The following LIMA1 variants were observed in gnomAD, a reference collection of about 807,000 sequenced individuals.
The protein encoded by LIMA1 is LIM domain and actin binding 1, also known as LIM domain and actin-binding protein 1.
Under a neutral mutation model 62.6 loss-of-function variants are expected in LIMA1, and 52 were observed. The ratio of observed to expected loss-of-function variants is 0.83; its 90% CI spans 0.67 to 1.05. The LOEUF (loss-of-function observed/expected upper bound fraction) is 1.05, where lower values mean the gene tolerates loss of function less well. Among genes scored for constraint, LIMA1 ranks in the 50% least tolerant of loss-of-function variants. The pLI, the probability that LIMA1 is intolerant of heterozygous loss-of-function variation, is 0.00. For missense variants in LIMA1, 780 were observed against 902.2 expected (o/e 0.86, Z 1.74); for synonymous variants, 302 against 317.8 (o/e 0.95, Z 0.53).
chr12:50,205,826 G>A (rs1054688628), intron 5 of LIMA1, among the ~76,000 whole-genome samples, 158 bp downstream of exon 5: 1 of 148,026 alleles, frequency 6.8e-6, no homozygotes. Context: ...GCTATTTATC[G>A]AGAGCAATGA....
At chr12:50,211,338 A>G (rs993041186) in intron 4 of LIMA1, among the ~76,000 whole-genome samples, 2 of 150,678 alleles carry the variant, frequency 1.3e-5, no homozygotes, top group Admixed American at 1.3e-4. Context: ...CCCCAAAAAA[A>G]AAAAAAAAAA....
Position 50,177,708 on chromosome 12 carries a change from C to T in LIMA1, c.1636G>A (p.Glu546Lys). The T allele has an allele frequency of 6.2e-7, 1 of 1,612,860 alleles. No individual in the cohort carries two copies. Among genetic ancestry groups the T allele is most frequent in the Non-Finnish European group, 8.5e-7 (1 of 1,179,586 alleles). ...TELGSSGSALEEGIKMSKPKW... is the reference protein window; with the variant it reads ...TELGSSGSALKEGIKMSKPKW... Reference sequence around the variant, plus strand: ...GGCTTTGACATTTTGATCCCTTCCTCCAAGGCACTTCCTGAACTTCCAAGT... The same window carrying T: ...GGCTTTGACATTTTGATCCCTTCCTTCAAGGCACTTCCTGAACTTCCAAGT... The change falls in exon 11 of 11, where the codon GAG (glutamate) becomes AAG (lysine). Residue 546 changes from glutamate to lysine, a missense_variant. Physicochemically the swap from Glu to Lys is moderately conservative, Grantham distance 56. Coordinates refer to ENST00000341247, the MANE Select transcript of LIMA1 (RefSeq NM_016357.5).
At chr12:50,247,717 G>A (rs1941871641) in intron 2 of LIMA1, among the ~76,000 whole-genome samples, 1 of 151,772 alleles carries the variant, frequency 6.6e-6, no homozygotes, top group Admixed American at 6.6e-5. Context: ...TCCGCCTCCT[G>A]GGTTCAAGCA....
intron 6 of LIMA1, among the ~76,000 whole-genome samples, chr12:50,202,802 C>G (rs1027209115): frequency 2.0e-5 from 3 of 152,050 alleles, no homozygotes; most frequent in African/African-American, 7.3e-5. Context: ...CAATATGCAC[C>G]AATTTCGATC....
At chr12:50,275,976 T>A (rs1469448110) in intron 1 of LIMA1, among the ~76,000 whole-genome samples, 1 of 152,148 alleles carries the variant, frequency 6.6e-6, no homozygotes, top group Admixed American at 6.6e-5. Flanking sequence ...GACACACTGA[T>A]CTGCAGGTCT....
chr12:50,234,260 G>C (rs980318631), intron 2 of LIMA1: 1 of 377,996 alleles, frequency 2.6e-6, no homozygotes, highest in Admixed American at 4.3e-5. Context: ...CCAGGCTGGA[G>C]TGCAGTGGCA....
chr12:50,259,648 C>T (rs1254122686), intron 1 of LIMA1, among the ~76,000 whole-genome samples: 2 of 152,048 alleles, frequency 1.3e-5, no homozygotes, highest in African/African-American at 4.8e-5. Context: ...AAATAAAAAG[C>T]TCACTACTCT....
At chr12:50,256,326 G>A (rs147306102) in intron 1 of LIMA1, 1 of 151,732 alleles carries the variant, frequency 6.6e-6, no homozygotes, top group East Asian at 1.9e-4. Flanking sequence ...TTTAGTATAT[G>A]TATGACTGAA....
chr12:50,253,086 T>C (rs1262125374), intron 1 of LIMA1, among the ~76,000 whole-genome samples: 1 of 152,160 alleles, frequency 6.6e-6, no homozygotes, highest in Non-Finnish European at 1.5e-5. Context: ...GAATCAAAGC[T>C]GGCATCATCA....
intron 1 of LIMA1, among the ~76,000 whole-genome samples, chr12:50,253,361 T>C (rs750020155): frequency 3.9e-5 from 6 of 152,236 alleles, no homozygotes; most frequent in Non-Finnish European, 8.8e-5. Context: ...GTCTTATATT[T>C]ATGGTAACGA....
chr12:50,226,052 CTTAT>C (rs1051390983), intron 3 of LIMA1, among the ~76,000 whole-genome samples: 12 of 151,800 alleles, frequency 7.9e-5, no homozygotes, highest in Admixed American at 7.9e-4. Context: ...TATTTATTTA[CTTAT>C]TTATTTTTGA....
chr12:50,206,069 C>G lies in LIMA1; in HGVS notation c.631-1G>C. On this transcript the variant is annotated splice_acceptor_variant, in intron 4 of 10. Transcript: ENST00000341247. LOFTEE classifies it high-confidence loss of function. ...CACTTCGGCTTTGGGCCCGGAGAAT[C>G]TGGAAAACGAAACCCAACGATAAGT... 4 of 1,611,168 alleles carry G rather than the reference C, an allele frequency of 2.5e-6. No individual in the cohort carries two copies. Among genetic ancestry groups the G allele is most frequent in the Non-Finnish European group, 3.4e-6 (4 of 1,178,116 alleles).
chr12:50,195,269 CA>C (rs932594634), intron 8 of LIMA1, among the ~76,000 whole-genome samples: 9 of 149,880 alleles, frequency 6.0e-5, no homozygotes. Context: ...AAGTAAAAAA[CA>C]AAAAAAAACA....
rs373254884 is a variant in LIMA1 at position 50,195,891 on chromosome 12, C to CAA, written c.973-6_973-5dup. The CAA allele has an allele frequency of 0.012, 12,929 of 1,079,694 alleles. 34 individuals carry two copies. The highest frequency in any genetic ancestry group is 0.045 in the African/African-American group (1,700 of 38,120). The allele number at this position is 1,079,694 out of a possible 1,614,324, so 66.9% of individuals were successfully genotyped here. A position where few individuals can be genotyped will look rare whatever the true frequency, so the allele number is the denominator to read the frequency against. On this transcript the variant is annotated splice_polypyrimidine_tract_variant and splice_region_variant and intron_variant, in intron 7 of 10. Coordinates refer to ENST00000341247, the MANE Select transcript of LIMA1 (RefSeq NM_016357.5). ...GGCTATTCTCATTTGCAGAAATCTA[C>CAA]AAAAAAAAAAAAAAAAAAAAAGTTA...
rs773445004 is a variant in LIMA1, at chr12:50,206,031, T to C, written c.668A>G (p.Lys223Arg). 1.2e-6 allele frequency: 2 copies of C among 1,612,778 alleles called. No homozygotes were observed. Among genetic ancestry groups the C allele is most frequent in the African/African-American group, 1.3e-5 (1 of 74,908 alleles). ...RAQSRSASGR[K>R]ISENSYSLDD... is the part of the protein sequence containing the mutation. ...TAGAGAATAGCTGTTTTCAGAGATC[T>C]TCCTTCCACTTGCACTTCGGCTTTG... Residue 223 changes from lysine to arginine, a missense_variant, in exon 5 of 11, where the codon AAG (lysine) becomes AGG (arginine). Transcript: ENST00000341247.
chr12:50,212,652 G>T (rs2138518686), intron 4 of LIMA1, among the ~76,000 whole-genome samples: 1 of 151,960 alleles, frequency 6.6e-6, no homozygotes, highest in Middle Eastern at 3.4e-3. Flanking sequence ...AATTTAAGTA[G>T]ACAAAAATGG....
chr12:50,182,728 G>A (rs1032408694), intron 9 of LIMA1, among the ~76,000 whole-genome samples: 6 of 152,142 alleles, frequency 3.9e-5, no homozygotes, highest in Admixed American at 2.6e-4. Context: ...TAATGCAATG[G>A]GAAACACACT....
intron 2 of LIMA1, among the ~76,000 whole-genome samples, chr12:50,235,779 T>C (rs1941683119): frequency 6.6e-6 from 1 of 152,204 alleles, no homozygotes; most frequent in South Asian, 2.1e-4. Flanking sequence ...TTGCAACTTA[T>C]ATTACAGACA....
At chr12:50,182,180 A>G (rs1312111201) in intron 9 of LIMA1, 143 bp from the exon 10 acceptor site, 2 of 815,550 alleles carry the variant, frequency 2.5e-6, no homozygotes, top group Non-Finnish European at 1.9e-6. Flanking sequence ...CTACAATTCT[A>G]TCAGCTGACT....
Sources: gnomAD v4.1 joint callset for allele counts (sites outside exome capture counted in the v4.1 genomes callset) on GRCh38, gnomAD v4.1.1 for gene constraint, MANE v1.5 for transcripts, NCBI Gene and HGNC (gene_info 2026-07-23, HGNC 2026-07-21) for gene names.